Variants in TBCE observed in about 807,000 individuals in gnomAD.
The protein encoded by TBCE is tubulin-specific chaperone E.
A neutral mutation model predicts 77.0 loss-of-function variants in TBCE; 53 were observed. The ratio of observed to expected loss-of-function variants is 0.69; its 90% confidence interval spans 0.55 to 0.87. The LOEUF (loss-of-function observed/expected upper bound fraction) is 0.87, where lower values mean the gene tolerates loss of function less well. Among genes scored for constraint, TBCE ranks in the 40% least tolerant of loss-of-function variants. The probability of loss-of-function intolerance (pLI) is 0.00; values close to 1 mark genes in which losing one functional copy is unlikely to be tolerated. For synonymous variants in TBCE, 235 were observed against 241.3 expected, an observed-to-expected ratio of 0.97 and a Z score of 0.24; for missense variants, 624 against 622.4, an observed-to-expected ratio of 1.00 and a Z score of -0.03.
intron 2 of TBCE, among the ~76,000 whole-genome samples, chr1:235,384,856 A>G (rs1442607472): frequency 6.6e-6 from 1 of 150,978 alleles, no homozygotes; most frequent in East Asian, 1.9e-4. Flanking sequence ...GCCTTCTGCT[A>G]GCTTTTGAAT....
At position 235,450,076 on chromosome 1, in the gene TBCE, G is replaced by A. The variant is rs1682798389; in HGVS notation, c.*1314G>A. On this transcript the variant is annotated 3_prime_UTR_variant, in exon 17 of 17. Transcript: ENST00000642610. ...TTAAGAAACACCGCATTGGTTCTGG[G>A]TGAAAGTGCCAGTCTGGAACTCTCT... 1.8e-6 allele frequency: 2 copies of A among 1,131,164 alleles called. No individual in the cohort carries two copies. The highest frequency in any genetic ancestry group is 2.5e-6 in the Non-Finnish European group (2 of 789,830). The allele number at this position is 1,131,164 out of a possible 1,614,324, so 70.1% of individuals were successfully genotyped here.
Position 235,374,562 on chromosome 1 carries a change from G to A in TBCE, c.-31-5457G>A, listed in dbSNP as rs550722163. Among the ~76,000 whole-genome samples the A allele has an allele frequency of 7.5e-5, 11 of 145,712 alleles. No homozygotes were observed. The East Asian group carries it at 1.8e-3, about 23-fold the overall frequency. ...GTCGCCCAGGCTGAAGTGCAGTGGT[G>A]CAATCTGGGCTCACTGCAACCTCCG... On this transcript the variant is annotated intron_variant, in intron 1 of 16. Transcript: ENST00000642610.
At chr1:235,399,336 C>T (rs564047909) in intron 2 of TBCE, among the ~76,000 whole-genome samples, 1 of 152,222 alleles carries the variant, frequency 6.6e-6, no homozygotes, top group African/African-American at 2.4e-5. Flanking sequence ...GTTCATGGTT[C>T]CTGGTTCTCA....
intron 1 of TBCE, among the ~76,000 whole-genome samples, chr1:235,371,024 G>T (rs570833160): frequency 1.3e-4 from 16 of 123,748 alleles, no homozygotes; most frequent in African/African-American, 4.1e-4. Context: ...ACAGGTGTGA[G>T]CTATCACGCC....
chr1:235,451,774 T>C lies in TBCE; in HGVS notation c.*3012T>C, dbSNP rs1250239152. On this transcript the variant is annotated 3_prime_UTR_variant, in exon 17 of 17. Coordinates refer to ENST00000642610, the MANE Select transcript of TBCE (RefSeq NM_003193.5). ...TGCCTTCTGTCCCCTGCACCTTCGATGGCCAAAGTGGAAGCTGCAAGAATC... is the reference window on the plus strand; with the variant it reads ...TGCCTTCTGTCCCCTGCACCTTCGACGGCCAAAGTGGAAGCTGCAAGAATC... The C allele has an allele frequency of 2.0e-5, 3 of 152,312 alleles. No individual in the cohort carries two copies. In the East Asian group the frequency reaches 5.8e-4, roughly 29 times the overall value. 9.4% of individuals were successfully genotyped at this position (152,312 alleles called of 1,614,324 possible).
intron 2 of TBCE, among the ~76,000 whole-genome samples, chr1:235,396,326 G>A (rs1250604589): frequency 1.3e-5 from 2 of 152,126 alleles, no homozygotes; most frequent in African/African-American, 2.4e-5. Context: ...CCAAAGTGCT[G>A]GGATTACAGG....
rs961818098 is a variant in TBCE at position 235,373,485 on chromosome 1, C to A, written c.-32+5981C>A. 3.3e-4 allele frequency among the ~76,000 whole-genome samples: 50 copies of A among 151,980 alleles called. 1 individual carries two copies. The highest frequency in any genetic ancestry group is 1.1e-3 in the African/African-American group (47 of 41,516). On this transcript the variant is annotated intron_variant, in intron 1 of 16. Coordinates refer to ENST00000642610, the MANE Select transcript of TBCE (RefSeq NM_003193.5). ...TTGAGACGCAGTCTCACTCTGTGGC[C>A]CAGTCTGGAGTGCAATGGCACGATC...
chr1:235,380,192 T>C, intron 2 of TBCE, 43 bp downstream of exon 2: 1 of 1,377,436 alleles, frequency 7.3e-7, no homozygotes. Context: ...TGTGTGTGTG[T>C]GTGTGTGTGT....
Position 235,450,959 on chromosome 1 carries a change from CTCAT to C in TBCE, c.*2201_*2204del, listed in dbSNP as rs1682861676. ...CAATGTAGCAGAACACAGAGAGAAA[CTCAT>C]TCAATGTTTTGACAACACAAAAATG... is the stretch of plus-strand genomic sequence containing the variant. On this transcript the variant is annotated 3_prime_UTR_variant, in exon 17 of 17. Transcript: ENST00000642610. The C allele has an allele frequency of 6.6e-6, 1 of 152,192 alleles. No homozygotes were observed. The highest frequency in any genetic ancestry group is 1.5e-5 in the Non-Finnish European group (1 of 68,054). 9.4% of individuals were successfully genotyped at this position (152,192 alleles called of 1,614,324 possible). A position where few individuals can be genotyped will look rare whatever the true frequency, so the allele number is the denominator to read the frequency against.
intron 1 of TBCE, among the ~76,000 whole-genome samples, chr1:235,367,998 T>C (rs1676649543): frequency 3.3e-5 from 5 of 152,086 alleles, no homozygotes. Flanking sequence ...CTCCGCCTCC[T>C]GGGTTCAAGC....
rs376270595 is a variant in TBCE at position 235,378,600 on chromosome 1, AT to A, written c.-31-1415del. On this transcript the variant is annotated intron_variant, in intron 1 of 16. Coordinates refer to ENST00000642610, the MANE Select transcript of TBCE (RefSeq NM_003193.5). ...GGTGGCTGATGCTTGTAATTCCAGCATTTTGGGAGACTGAGGTGAGTGGATC... is the reference window on the plus strand; with the variant it reads ...GGTGGCTGATGCTTGTAATTCCAGCATTTGGGAGACTGAGGTGAGTGGATC... 1.4e-4 allele frequency among the ~76,000 whole-genome samples: 22 copies of A among 152,112 alleles called. No individual in the cohort carries two copies. In the East Asian group the frequency reaches 4.3e-3, roughly 29 times the overall value.
chr1:235,397,316 T>C (rs1018278333), intron 2 of TBCE, among the ~76,000 whole-genome samples: 12 of 151,584 alleles, frequency 7.9e-5, no homozygotes, highest in East Asian at 1.9e-4. Flanking sequence ...ATTCTCCTGC[T>C]TCAGCCTCCC....
In TBCE at chr1:235,444,844, T is replaced by G. The variant is rs146367553; in HGVS notation, c.1399+1933T>G. 1.2e-4 allele frequency among the ~76,000 whole-genome samples: 18 copies of G among 152,400 alleles called. No homozygotes were observed. The East Asian group carries it at 3.5e-3, about 29-fold the overall frequency. ...CAAGAATATTGTCATTAGACCTGTT[T>G]CGTTAAGCTTTCCTTTTCAGTCTTT... On this transcript the variant is annotated intron_variant, in intron 15 of 16. Transcript: ENST00000642610.
chr1:235,431,062 G>C (rs1681054067), intron 7 of TBCE, among the ~76,000 whole-genome samples: 1 of 152,128 alleles, frequency 6.6e-6, no homozygotes, highest in African/African-American at 2.4e-5. Context: ...ATAAACAGTG[G>C]CGCTCCGTTA....
intron 7 of TBCE, chr1:235,432,937 A>C: frequency 7.9e-7 from 1 of 1,271,270 alleles, no homozygotes; most frequent in Non-Finnish European, 9.9e-7. Flanking sequence ...TGTAAAAAAA[A>C]AAAATTAGGC....
chr1:235,379,914 C>G, intron 1 of TBCE, 105 bp from the exon 2 acceptor site: 1 of 674,836 alleles, frequency 1.5e-6, no homozygotes, highest in East Asian at 3.3e-5. Context: ...CGCCACTGCA[C>G]TCCAGCCTGG....
At chr1:235,391,660 G>A (rs1301669227) in intron 2 of TBCE, among the ~76,000 whole-genome samples, 1 of 135,164 alleles carries the variant, frequency 7.4e-6, no homozygotes, top group Non-Finnish European at 1.5e-5. Context: ...AGGCTGGAGT[G>A]CAGTGGTACG....
At chr1:235,375,306 T>C (rs1174520364) in intron 1 of TBCE, among the ~76,000 whole-genome samples, 1 of 152,090 alleles carries the variant, frequency 6.6e-6, no homozygotes, top group African/African-American at 2.4e-5. Flanking sequence ...TTAGCAAGTG[T>C]GTGTATTTTA....
intron 15 of TBCE, among the ~76,000 whole-genome samples, chr1:235,444,479 C>T (rs969353066): frequency 8.5e-5 from 13 of 152,160 alleles, no homozygotes; most frequent in African/African-American, 2.9e-4. Context: ...TCACTGCAGG[C>T]TCCATCACCT....
Sources: allele counts gnomAD v4.1 joint callset (sites outside exome capture counted in the v4.1 genomes callset), GRCh38; gene constraint gnomAD v4.1.1; transcripts MANE v1.5; gene names NCBI Gene and HGNC (gene_info 2026-07-23, HGNC 2026-07-21).